NDUFA10: variants seen among roughly 807,000 people sequenced by gnomAD.
NDUFA10 encodes NADH:ubiquinone oxidoreductase subunit A10.
Under a neutral mutation model 47.8 loss-of-function variants are expected in NDUFA10, and 40 were observed. The observed-to-expected ratio is 0.84, with a 90% CI of 0.65 to 1.09. The LOEUF is 1.09. NDUFA10 is among the 50% of genes least tolerant of loss of function. The pLI is 0.00. For missense variants in NDUFA10, 413 were observed against 451.1 expected (o/e 0.92, Z 0.76); for synonymous variants, 183 against 172.2 (o/e 1.06, Z -0.49).
chr2:240,024,389 T>C (rs1332553939), intron 1 of NDUFA10, among the ~76,000 whole-genome samples: 1 of 152,236 alleles, frequency 6.6e-6, no homozygotes, highest in African/African-American at 2.4e-5. Flanking sequence ...ATGATTCTAA[T>C]TATATGACAT....
chr2:239,969,842 T>C lies in NDUFA10; in HGVS notation c.1000-8656A>G, dbSNP rs1695238822. ...AGCTTGAAGGCAGAGCAGCAGAAAC[T>C]ATCCAAAATTAGGCACAGAAAGAAA... On this transcript the variant is annotated intron_variant, in intron 9 of 9. Transcript: ENST00000252711. The C allele has an allele frequency of 1.7e-5, 8 of 459,436 alleles. No homozygotes were observed. The East Asian group carries it at 3.5e-4, about 20-fold the overall frequency. The allele number at this position is 459,436 out of a possible 1,614,324, so 28.5% of individuals were successfully genotyped here. A position where few individuals can be genotyped will look rare whatever the true frequency, so the allele number is the denominator to read the frequency against.
chr2:239,950,840 C>T (rs117760276), intron 4 of NDUFA10, among the ~76,000 whole-genome samples: 135 of 152,318 alleles, frequency 8.9e-4, no homozygotes, highest in East Asian at 5.4e-3. Context: ...TTCTGTGATT[C>T]AAGTAGGTGC....
chr2:240,025,241 C>T lies in NDUFA10; in HGVS notation c.61G>A (p.Gly21Ser). 6.7e-7 allele frequency: 1 copy of T among 1,494,732 alleles called. No homozygotes were observed. Among genetic ancestry groups the T allele is most frequent in the South Asian group, 1.3e-5 (1 of 79,472 alleles). 92.6% of individuals were successfully genotyped at this position (1,494,732 alleles called of 1,614,324 possible). The stretch of plus-strand genomic sequence containing the variant: ...CGCCCGCTCACCACGCGCTGGGCGC[C>T]CGCCGCCACGACCCGGGCGGACGCG... ...TSASARVVAA[G>S]AQRVRGIHSS... Residue 21 changes from glycine to serine, a missense_variant, in exon 1 of 10, where the codon GGC becomes AGC. Coordinates refer to ENST00000252711, the MANE Select transcript of NDUFA10 (RefSeq NM_004544.4).
chr2:239,994,086 G>A (rs1476966505), intron 8 of NDUFA10, among the ~76,000 whole-genome samples: 1 of 152,102 alleles, frequency 6.6e-6, no homozygotes, highest in African/African-American at 2.4e-5. Context: ...CTGTGGAACA[G>A]ACAAATTATT....
At chr2:239,967,260 T>C (rs1695113005) in intron 9 of NDUFA10, among the ~76,000 whole-genome samples, 1 of 152,206 alleles carries the variant, frequency 6.6e-6, no homozygotes, top group Non-Finnish European at 1.5e-5. Flanking sequence ...TGGTTTCTCG[T>C]TATGAATTTA....
intron 4 of NDUFA10, among the ~76,000 whole-genome samples, chr2:239,918,364 C>T (rs1054444758): frequency 1.3e-5 from 2 of 152,192 alleles, no homozygotes; most frequent in Non-Finnish European, 2.9e-5. Context: ...TCAGGAAGCC[C>T]ACCCTTGCAG....
At chr2:239,990,302 A>G (rs900439007) in intron 8 of NDUFA10, 120 bp from the exon 9 acceptor site, 1 of 779,396 alleles carries the variant, frequency 1.3e-6, no homozygotes, top group Non-Finnish European at 2.2e-6. Context: ...AATAAATGCT[A>G]TTCGTTGCCA....
At position 240,012,159 on chromosome 2, in the gene NDUFA10, C is replaced by T. The variant is rs146057149; in HGVS notation, c.670-463G>A. 485 of 214,618 alleles carry T rather than the reference C, an allele frequency of 2.3e-3. 1 individual carries two copies. The highest frequency in any genetic ancestry group is 9.1e-3 in the Middle Eastern group (5 of 548). The allele number at this position is 214,618 out of a possible 1,614,324, so 13.3% of individuals were successfully genotyped here. On this transcript the variant is annotated intron_variant, in intron 5 of 9. Transcript: ENST00000252711. ...CACCTCCATCGCTCACCCATCTCCC[C>T]GCAACCACTTCTCCCACTTTCTACG...
chr2:239,924,306 C>T (rs1356186100), intron 4 of NDUFA10, among the ~76,000 whole-genome samples: 3 of 151,992 alleles, frequency 2.0e-5, no homozygotes, highest in Non-Finnish European at 4.4e-5. Context: ...AAAACACTAG[C>T]AAATTCAATC....
intron 4 of NDUFA10, among the ~76,000 whole-genome samples, chr2:239,920,961 A>C (rs1051614499): frequency 6.6e-6 from 1 of 152,134 alleles, no homozygotes; most frequent in Non-Finnish European, 1.5e-5. Flanking sequence ...TATCCTGGGG[A>C]AGGCTGAATG....
Position 239,949,652 on chromosome 2 carries a change from C to T in NDUFA10, c.294+40422G>A, listed in dbSNP as rs773418573. ...GGGACAACAGGCGCGTGCCACCACA[C>T]TTTTACTTTTTGAAGAGACAAGGCC... is the stretch of plus-strand genomic sequence containing the variant. On this transcript the variant is annotated intron_variant, in intron 4 of 5. Transcript: ENST00000419408. Among the ~76,000 whole-genome samples the T allele has an allele frequency of 2.0e-5, 3 of 152,144 alleles. No individual in the cohort carries two copies. In the South Asian group the frequency reaches 6.2e-4, roughly 32 times the overall value.
Position 239,920,022 on chromosome 2 carries a change from T to A in NDUFA10, c.295-24708A>T, listed in dbSNP as rs1029010345. On this transcript the variant is annotated intron_variant, in intron 4 of 5. Transcript: ENST00000419408. ...AGCACCTGTGAGATTGGGGGCCCCC[T>A]CACCCTGCTCCCAGGGTGCTTCCCC... 3.3e-5 allele frequency among the ~76,000 whole-genome samples: 5 copies of A among 152,142 alleles called. No homozygotes were observed. In the South Asian group the frequency reaches 6.2e-4, roughly 19 times the overall value.
At chr2:240,004,805 G>A (rs1008532636) in intron 8 of NDUFA10, among the ~76,000 whole-genome samples, 1 of 152,122 alleles carries the variant, frequency 6.6e-6, no homozygotes, top group Non-Finnish European at 1.5e-5. Flanking sequence ...CATCCCGAGA[G>A]AGGCCCTTTG....
Position 240,019,698 on chromosome 2 carries a change from A to C in NDUFA10, c.461-1059T>G, listed in dbSNP as rs1255189793. Among the ~76,000 whole-genome samples, 2 of 82,488 alleles carry C rather than the reference A, an allele frequency of 2.4e-5. 1 individual carries two copies. Among genetic ancestry groups the C allele is most frequent in the African/African-American group, 9.5e-5 (2 of 21,162 alleles). 54.1% of individuals were successfully genotyped at this position (82,488 alleles called of 152,430 possible). A position where few individuals can be genotyped will look rare whatever the true frequency, so the allele number is the denominator to read the frequency against. On this transcript the variant is annotated intron_variant, in intron 3 of 9. Coordinates refer to ENST00000252711, the MANE Select transcript of NDUFA10 (RefSeq NM_004544.4). The stretch of plus-strand genomic sequence containing the variant: ...GCCGGGCGTAGTGGCGGGCGCCTGT[A>C]GTCCCAGCTACTTGGGAGGCTGAGG...
chr2:239,968,755 G>A (rs1252869491), intron 9 of NDUFA10, among the ~76,000 whole-genome samples: 3 of 152,144 alleles, frequency 2.0e-5, no homozygotes, highest in Admixed American at 6.5e-5. Context: ...GGACAAAGTC[G>A]ACTTCTGGGA....
At chr2:240,004,878 T>C (rs1696885662) in intron 8 of NDUFA10, among the ~76,000 whole-genome samples, 1 of 152,228 alleles carries the variant, frequency 6.6e-6, no homozygotes, top group Non-Finnish European at 1.5e-5. Context: ...CTTTGTGACC[T>C]GACGCAGTTT....
intron 9 of NDUFA10, chr2:239,982,027 C>T: frequency 6.5e-7 from 1 of 1,549,004 alleles, no homozygotes; most frequent in African/African-American, 1.3e-5. Flanking sequence ...CTGCCAACTA[C>T]CTTCTGCTCT....
chr2:240,018,979 T>C (rs545246054), intron 3 of NDUFA10, among the ~76,000 whole-genome samples: 2 of 152,038 alleles, frequency 1.3e-5, no homozygotes, highest in Non-Finnish European at 2.9e-5. Flanking sequence ...TCAGATCTAC[T>C]GATGTTGGGC....
intron 8 of NDUFA10, among the ~76,000 whole-genome samples, chr2:240,004,627 C>T (rs1696872852): frequency 6.7e-6 from 1 of 150,230 alleles, no homozygotes; most frequent in South Asian, 2.1e-4. Flanking sequence ...AGTCCTGCTC[C>T]ATTCCGCTGT....
Sources: allele counts gnomAD v4.1 joint callset (sites outside exome capture counted in the v4.1 genomes callset), GRCh38; gene constraint gnomAD v4.1.1; transcripts MANE v1.5; gene names NCBI Gene and HGNC (gene_info 2026-07-23, HGNC 2026-07-21).